The following KAZN variants were observed in gnomAD, a reference collection of about 807,000 sequenced individuals.
KAZN encodes kazrin.
A neutral mutation model predicts 87.4 loss-of-function variants in KAZN; 40 were observed. The observed-to-expected ratio is 0.46, with a 90% CI of 0.36 to 0.60. KAZN has a LOEUF of 0.60. KAZN is among the 20% of genes least tolerant of loss of function. The pLI, the probability that KAZN is intolerant of heterozygous loss-of-function variation, is 0.00. For synonymous variants in KAZN, 466 were observed against 458.3 expected, an observed-to-expected ratio of 1.02 and a Z score of -0.22; for missense variants, 898 against 1,073.9, an observed-to-expected ratio of 0.84 and a Z score of 2.29.
chr1:14,122,096 C>T (rs1297341535), intron 1 of KAZN, among the ~76,000 whole-genome samples: 1 of 152,178 alleles, frequency 6.6e-6, no homozygotes, highest in Non-Finnish European at 1.5e-5. Flanking sequence ...AAAGAGCCAG[C>T]TGTCAATTGG....
chr1:14,563,006 T>C (rs1254860918), intron 2 of KAZN, among the ~76,000 whole-genome samples: 1 of 152,184 alleles, frequency 6.6e-6, no homozygotes, highest in Non-Finnish European at 1.5e-5. Context: ...CACTTTGACA[T>C]GTTTGTTAAG....
chr1:14,211,064 C>T (rs998639648), intron 2 of KAZN, among the ~76,000 whole-genome samples: 5 of 152,178 alleles, frequency 3.3e-5, no homozygotes, highest in Admixed American at 2.6e-4. Flanking sequence ...CAGGAGTTCC[C>T]ATGTAACACT....
At chr1:14,206,818 A>G (rs980905749) in intron 2 of KAZN, among the ~76,000 whole-genome samples, 4 of 151,908 alleles carry the variant, frequency 2.6e-5, no homozygotes, top group African/African-American at 4.8e-5. Flanking sequence ...TAACGTGGCC[A>G]TGCCTGCATT....
intron 2 of KAZN, among the ~76,000 whole-genome samples, chr1:14,271,908 A>G (rs923478139): frequency 9.9e-5 from 15 of 152,236 alleles, no homozygotes; most frequent in Non-Finnish European, 1.9e-4. Flanking sequence ...AAGGGACTAT[A>G]GCGTGAAGGC....
chr1:14,851,947 C>T (rs1055020199), intron 1 of KAZN, among the ~76,000 whole-genome samples: 18 of 152,172 alleles, frequency 1.2e-4, no homozygotes, highest in Non-Finnish European at 2.5e-4. Context: ...CCAGGTCCTC[C>T]GGAAGAGTTT....
intron 1 of KAZN, among the ~76,000 whole-genome samples, chr1:14,020,769 T>C (rs1457461832): frequency 3.3e-5 from 5 of 152,210 alleles, no homozygotes; most frequent in African/African-American, 9.6e-5. Context: ...CTCTGTGAGC[T>C]TATATGATTT....
chr1:15,066,335 C>CGGGGG lies in KAZN; in HGVS notation c.1222+582_1222+583insGGGGG. The stretch of plus-strand genomic sequence containing the variant: ...ATGTGGTCTGTTTTTGATGTCCCCC[C>CGGGGG]TCCCGCCCCCCTGGTGTGAACGTGT... On this transcript the variant is annotated intron_variant, in intron 8 of 14. Coordinates refer to ENST00000376030, the MANE Select transcript of KAZN (RefSeq NM_201628.3). This position sits in a 1 kb window ranked among gnomAD's most constrained non-coding sequence, Gnocchi z 4.3. 1.2e-6 allele frequency: 1 copy of CGGGGG among 802,240 alleles called. No individual in the cohort carries two copies. The highest frequency in any genetic ancestry group is 1.5e-6 in the Non-Finnish European group (1 of 662,116). The allele number at this position is 802,240 out of a possible 1,614,324, so 49.7% of individuals were successfully genotyped here.
At chr1:15,069,826 C>T (rs1639427231) in intron 8 of KAZN, among the ~76,000 whole-genome samples, 1 of 152,188 alleles carries the variant, frequency 6.6e-6, no homozygotes, top group East Asian at 1.9e-4. Context: ...TTTTTCAATA[C>T]ACAAGCTGCA....
chr1:14,981,839 G>A (rs1666279289), intron 2 of KAZN, among the ~76,000 whole-genome samples: 2 of 152,300 alleles, frequency 1.3e-5, no homozygotes, highest in East Asian at 3.9e-4. Flanking sequence ...GAAGAGAAAG[G>A]GGATGCAGTG....
At chr1:14,747,215 T>C (rs1471461646) in intron 1 of KAZN, among the ~76,000 whole-genome samples, 1 of 152,234 alleles carries the variant, frequency 6.6e-6, no homozygotes, top group Non-Finnish European at 1.5e-5. Context: ...TGTATGTGTA[T>C]GTAGATAGTT....
chr1:15,110,401 C>G (rs74196829), intron 13 of KAZN, among the ~76,000 whole-genome samples: 5,315 of 85,150 alleles, frequency 0.062, 303 homozygotes, highest in African/African-American at 0.19. Flanking sequence ...TTGTGTGTGT[C>G]TGTGTATTTG....
intron 1 of KAZN, among the ~76,000 whole-genome samples, chr1:13,909,937 G>C (rs1249098348): frequency 6.6e-6 from 1 of 152,178 alleles, no homozygotes; most frequent in Non-Finnish European, 1.5e-5. Context: ...CCAGATGATG[G>C]TGGTCAATCT....
intron 2 of KAZN, among the ~76,000 whole-genome samples, chr1:14,967,009 G>A (rs1664529002): frequency 6.6e-6 from 1 of 152,152 alleles, no homozygotes. Context: ...TTGAACAAAG[G>A]CTAGAAGACT....
chr1:14,228,251 C>T (rs916789963), intron 2 of KAZN, among the ~76,000 whole-genome samples: 2 of 152,148 alleles, frequency 1.3e-5, no homozygotes, highest in African/African-American at 4.8e-5. Context: ...GCCAGGGGCT[C>T]TATTATGTTA....
At chr1:15,086,284 T>A (rs913631469) in intron 8 of KAZN, among the ~76,000 whole-genome samples, 1 of 151,940 alleles carries the variant, frequency 6.6e-6, no homozygotes, top group African/African-American at 2.4e-5. Flanking sequence ...AAAGAGAAAA[T>A]TTTAAAAGTA....
chr1:14,844,671 C>T (rs1221046113), intron 1 of KAZN, among the ~76,000 whole-genome samples: 1 of 152,190 alleles, frequency 6.6e-6, no homozygotes, highest in Non-Finnish European at 1.5e-5. Flanking sequence ...GATGATAGAG[C>T]CCCTTTCCTA....
intron 2 of KAZN, among the ~76,000 whole-genome samples, chr1:14,983,317 G>A (rs1666449162): frequency 6.6e-6 from 1 of 152,210 alleles, no homozygotes; most frequent in African/African-American, 2.4e-5. Flanking sequence ...TAGAGCCGGA[G>A]CCTTGGTCCT....
chr1:14,650,298 T>C (rs1638278596), intron 1 of KAZN, among the ~76,000 whole-genome samples: 1 of 152,174 alleles, frequency 6.6e-6, no homozygotes, highest in Non-Finnish European at 1.5e-5. Flanking sequence ...CTCACACCTG[T>C]AATCCCAGCA....
chr1:14,500,536 G>T (rs1166945895), intron 2 of KAZN, among the ~76,000 whole-genome samples: 3 of 151,666 alleles, frequency 2.0e-5, no homozygotes. Flanking sequence ...CCACTTTAAG[G>T]AATTAGAAAA....
Sources: gnomAD v4.1 joint callset for allele counts (sites outside exome capture counted in the v4.1 genomes callset) on GRCh38, gnomAD v4.1.1 for gene constraint, Gnocchi (gnomAD v3.1) non-coding constraint, MANE v1.5 for transcripts, NCBI Gene and HGNC (gene_info 2026-07-23, HGNC 2026-07-21) for gene names.